SYT1: variants seen among roughly 807,000 people sequenced by gnomAD.
SYT1 encodes synaptotagmin 1, also known as synaptotagmin-1.
SYT1 carries 8 observed loss-of-function variants against 44.8 expected under a neutral mutation model. The ratio of observed to expected loss-of-function variants is 0.18; its 90% confidence interval spans 0.10 to 0.32. The LOEUF (loss-of-function observed/expected upper bound fraction) is 0.32. Among genes scored for constraint, SYT1 ranks in the 10% least tolerant of loss-of-function variants. The pLI is 1.00. For missense variants in SYT1, 286 were observed against 509.3 expected (o/e 0.56, Z 4.22); for synonymous variants, 154 against 188.8 (o/e 0.82, Z 1.51).
chr12:78,933,250 G>C (rs781124899), intron 1 of SYT1, among the ~76,000 whole-genome samples: 28 of 152,128 alleles, frequency 1.8e-4, no homozygotes, highest in Non-Finnish European at 3.2e-4. Flanking sequence ...TGACCTCAGT[G>C]TATCAACTTC....
intron 4 of SYT1, among the ~76,000 whole-genome samples, chr12:79,229,313 T>C (rs1875719456): frequency 6.6e-6 from 1 of 152,226 alleles, no homozygotes. Context: ...GCGGTTCTTG[T>C]GCCATGCTCG....
intron 3 of SYT1, among the ~76,000 whole-genome samples, chr12:79,187,558 A>G (rs1872875239): frequency 6.6e-6 from 1 of 152,090 alleles, no homozygotes; most frequent in Non-Finnish European, 1.5e-5. Context: ...AACCTTCCCC[A>G]ATTTGGGTGA....
intron 2 of SYT1, among the ~76,000 whole-genome samples, chr12:79,008,155 T>C (rs776492119): frequency 6.6e-6 from 1 of 152,000 alleles, no homozygotes. Context: ...AGAAAGGCTG[T>C]CTGAAATGGT....
intron 1 of SYT1, among the ~76,000 whole-genome samples, chr12:78,929,446 A>AAAAAAAAAAAAAT (rs373264605): frequency 7.8e-6 from 1 of 128,506 alleles, no homozygotes; most frequent in East Asian, 2.2e-4. Flanking sequence ...AAAAAAAAAA[A>AAAAAAAAAAAAAT]GGTTATTAGC....
intron 3 of SYT1, among the ~76,000 whole-genome samples, chr12:79,122,212 A>C (rs1438114962): frequency 6.6e-6 from 1 of 152,210 alleles, no homozygotes; most frequent in Non-Finnish European, 1.5e-5. Context: ...GAAAGAAGTC[A>C]ATAAAGAGAT....
intron 6 of SYT1, among the ~76,000 whole-genome samples, chr12:79,293,386 AAAATAAAATAAAATAAAATAAAATT>A (rs1245591055): frequency 0.11 from 8,705 of 82,770 alleles, 739 homozygotes; most frequent in Middle Eastern, 0.25. Context: ...AAAATAAAAT[AAAATAAAATAAAATAAAATAAAATT>A]AAAAAATCTG....
At chr12:78,885,954 G>A (rs545545530) in intron 1 of SYT1, among the ~76,000 whole-genome samples, 19 of 151,992 alleles carry the variant, frequency 1.3e-4, no homozygotes, top group African/African-American at 4.6e-4. Context: ...TAGATTTTGT[G>A]ACCTCTAAGT....
chr12:79,268,535 A>G (rs1453008747), intron 4 of SYT1, among the ~76,000 whole-genome samples: 1 of 152,188 alleles, frequency 6.6e-6, no homozygotes, highest in Non-Finnish European at 1.5e-5. Context: ...GAATGAATGA[A>G]TGAGTCTCTC....
At chr12:79,120,378 C>CAAAT (rs1879529728) in intron 3 of SYT1, among the ~76,000 whole-genome samples, 1 of 151,866 alleles carries the variant, frequency 6.6e-6, no homozygotes, top group South Asian at 2.1e-4. Context: ...TCCCATGTAA[C>CAAAT]AAATCTGCAC....
At chr12:78,926,609 C>A (rs533263589) in intron 1 of SYT1, 92 of 148,632 alleles carry the variant, frequency 6.2e-4, no homozygotes, top group Non-Finnish European at 1.2e-3. Context: ...ATGGAATAAA[C>A]CAAAAAAAAA....
intron 3 of SYT1, among the ~76,000 whole-genome samples, chr12:79,203,645 T>G (rs1880868): frequency 0.76 from 115,224 of 151,698 alleles, 44,595 homozygotes; most frequent in African/African-American, 0.91. Context: ...AAAAGTGGGG[T>G]TTTATCTTAA....
chr12:79,308,645 AAAGAAAG>A (rs748339887), intron 8 of SYT1, among the ~76,000 whole-genome samples: 132 of 114,696 alleles, frequency 1.2e-3, no homozygotes, highest in Non-Finnish European at 1.7e-3. Flanking sequence ...AGAAAGAAAG[AAAGAAAG>A]AAAGAAAAGA....
intron 3 of SYT1, among the ~76,000 whole-genome samples, chr12:79,104,953 G>A (rs927126660): frequency 6.6e-6 from 1 of 152,086 alleles, no homozygotes; most frequent in African/African-American, 2.4e-5. Flanking sequence ...TATTGGTCAT[G>A]AGTTCAAGAA....
intron 8 of SYT1, among the ~76,000 whole-genome samples, chr12:79,320,684 C>T (rs893208908): frequency 5.5e-5 from 7 of 127,900 alleles, no homozygotes; most frequent in Admixed American, 2.8e-4. Context: ...CAGAGTGGTG[C>T]GATCTCAGCT....
intron 5 of SYT1, 151 bp downstream of exon 5, chr12:79,286,122 C>A: frequency 1.1e-6 from 1 of 881,382 alleles, no homozygotes; most frequent in Non-Finnish European, 1.7e-6. Context: ...TGTTCAAGAT[C>A]CCAAAGCATA....
chr12:79,273,327 C>T (rs1318073282), intron 4 of SYT1, among the ~76,000 whole-genome samples: 2 of 151,908 alleles, frequency 1.3e-5, no homozygotes, highest in Non-Finnish European at 2.9e-5. Flanking sequence ...TTGCCTAGAT[C>T]TTGAACTCCT....
intron 10 of SYT1, among the ~76,000 whole-genome samples, chr12:79,446,034 T>TATATATATATGTATATA (rs1491131045): frequency 2.6e-5 from 3 of 115,538 alleles, no homozygotes; most frequent in African/African-American, 1.0e-4. Flanking sequence ...TATATATATA[T>TATATATATATGTATATA]TATGCCTAGG....
chr12:79,251,833 T>C (rs1047980922), intron 4 of SYT1, among the ~76,000 whole-genome samples: 1 of 152,184 alleles, frequency 6.6e-6, no homozygotes, highest in African/African-American at 2.4e-5. Context: ...TTCCATGCTT[T>C]GGAAAAACTG....
At chr12:79,007,899 G>A (rs772800638) in intron 2 of SYT1, among the ~76,000 whole-genome samples, 3 of 152,056 alleles carry the variant, frequency 2.0e-5, no homozygotes, top group Non-Finnish European at 4.4e-5. Context: ...CAGTCATTCG[G>A]CATTCAACTA....
Sources: allele counts gnomAD v4.1 joint callset (sites outside exome capture counted in the v4.1 genomes callset), GRCh38; gene constraint gnomAD v4.1.1; transcripts MANE v1.5; gene names NCBI Gene and HGNC (gene_info 2026-07-23, HGNC 2026-07-21).